CBLB: variants seen among roughly 807,000 people sequenced by gnomAD.
The protein encoded by CBLB is Cbl proto-oncogene B.
CBLB carries 31 observed loss-of-function variants against 104.9 expected under a neutral mutation model. The ratio of observed to expected loss-of-function variants is 0.30; its 90% CI spans 0.22 to 0.40. The LOEUF is 0.40. CBLB is among the 10% of genes least tolerant of loss of function. The pLI is 1.00. For missense variants in CBLB, 1,062 were observed against 1,214.6 expected, an observed-to-expected ratio of 0.87 and a Z score of 1.87; for synonymous variants, 440 against 422.6, an observed-to-expected ratio of 1.04 and a Z score of -0.51.
At chr3:105,840,646 T>A (rs2089407988) in intron 3 of CBLB, among the ~76,000 whole-genome samples, 1 of 152,194 alleles carries the variant, frequency 6.6e-6, no homozygotes, top group African/African-American at 2.4e-5. Context: ...CACACCCCAG[T>A]GTGTCAAGTC....
At chr3:105,794,130 T>C (rs1577249831) in intron 3 of CBLB, among the ~76,000 whole-genome samples, 1 of 152,220 alleles carries the variant, frequency 6.6e-6, no homozygotes, top group East Asian at 1.9e-4. Flanking sequence ...CAAAGATTTA[T>C]TTGGGCATAA....
At chr3:105,800,598 AG>A (rs1365120991) in intron 3 of CBLB, among the ~76,000 whole-genome samples, 1 of 152,176 alleles carries the variant, frequency 6.6e-6, no homozygotes, top group Non-Finnish European at 1.5e-5. Flanking sequence ...TGAAATAGCA[AG>A]GTTTTGTCTG....
intron 3 of CBLB, among the ~76,000 whole-genome samples, chr3:105,838,552 A>C (rs1295044643): frequency 6.6e-6 from 1 of 152,140 alleles, no homozygotes; most frequent in African/African-American, 2.4e-5. Flanking sequence ...AAAGGCTGGC[A>C]AGCAAAGGTA....
intron 4 of CBLB, 151 bp downstream of exon 4, chr3:105,776,245 T>A: frequency 1.6e-6 from 1 of 643,822 alleles, no homozygotes; most frequent in Non-Finnish European, 2.5e-6. Flanking sequence ...TTGGTGACTA[T>A]AAAAATTACC....
intron 8 of CBLB, among the ~76,000 whole-genome samples, chr3:105,735,579 T>A (rs1047822859): frequency 6.6e-6 from 1 of 152,230 alleles, no homozygotes; most frequent in Non-Finnish European, 1.5e-5. Context: ...CTGTCTTTCC[T>A]AAGTATCCTT....
chr3:105,829,412 G>A (rs372441020), intron 3 of CBLB, among the ~76,000 whole-genome samples: 11 of 151,984 alleles, frequency 7.2e-5, no homozygotes, highest in African/African-American at 2.4e-4. Context: ...TGATCTTGAC[G>A]CTTTGGGAGG....
chr3:105,705,912 G>C (rs2070051505), intron 10 of CBLB, among the ~76,000 whole-genome samples: 1 of 152,174 alleles, frequency 6.6e-6, no homozygotes, highest in South Asian at 2.1e-4. Context: ...AAGGCAGGAG[G>C]ACTGCTTGAA....
At chr3:105,867,878 T>TG (rs760915895) in intron 1 of CBLB, among the ~76,000 whole-genome samples, 1 of 141,300 alleles carries the variant, frequency 7.1e-6, no homozygotes, top group African/African-American at 2.6e-5. Flanking sequence ...ACTCAACTCA[T>TG]AAAAAAAAAA....
chr3:105,807,509 T>C (rs760085660), intron 3 of CBLB, among the ~76,000 whole-genome samples: 2 of 152,194 alleles, frequency 1.3e-5, no homozygotes, highest in Non-Finnish European at 2.9e-5. Context: ...ATACATAGTC[T>C]TATTTGTGAA....
Position 105,773,006 on chromosome 3 carries a change from C to A in CBLB, c.566+3390G>T, listed in dbSNP as rs537323606. Among the ~76,000 whole-genome samples the A allele has an allele frequency of 1.6e-4, 24 of 152,270 alleles. No individual in the cohort carries two copies. The South Asian group carries it at 5.0e-3, about 32-fold the overall frequency. ...ACTCTTTAAAGAACTAAAAGTAGAA[C>A]TGCCATTCAATCCAGCAATCCACTG... is the stretch of plus-strand genomic sequence containing the variant. On this transcript the variant is annotated intron_variant, in intron 4 of 18. Transcript: ENST00000394030.
rs1387812972 is a variant in CBLB, at chr3:105,675,900, A to AAC, written c.2569+2530_2569+2531insGT. Among the ~76,000 whole-genome samples, 3 of 151,052 alleles carry AAC rather than the reference A, an allele frequency of 2.0e-5. 1 individual carries two copies. In the South Asian group the frequency reaches 6.3e-4, roughly 32 times the overall value. On this transcript the variant is annotated intron_variant, in intron 17 of 18. Coordinates refer to ENST00000394030, the MANE Select transcript of CBLB (RefSeq NM_170662.5). Reference sequence around the variant, plus strand: ...ACCCTGTCTCAAAAAAAAAAAAAAAAAAAAAGTCATAAAGGATCTGGTACC... The same window carrying AAC: ...ACCCTGTCTCAAAAAAAAAAAAAAAAACAAAAAGTCATAAAGGATCTGGTACC...
At chr3:105,820,947 A>C (rs1161755986) in intron 3 of CBLB, among the ~76,000 whole-genome samples, 1 of 152,170 alleles carries the variant, frequency 6.6e-6, no homozygotes, top group African/African-American at 2.4e-5. Flanking sequence ...TTTTAATGGA[A>C]ATTTGTAAAA....
intron 6 of CBLB, among the ~76,000 whole-genome samples, chr3:105,744,684 C>A (rs2075934211): frequency 6.6e-6 from 1 of 152,064 alleles, no homozygotes; most frequent in South Asian, 2.1e-4. Flanking sequence ...GTAATCCCAG[C>A]ACTTTGGGAG....
At chr3:105,776,694 C>A in intron 3 of CBLB, 152 bp from the exon 4 acceptor site, 3 of 657,764 alleles carry the variant, frequency 4.6e-6, no homozygotes, top group Non-Finnish European at 5.1e-6. Flanking sequence ...TAATGCTGCC[C>A]TTAAAAAAAG....
Position 105,834,635 on chromosome 3 carries a change from G to A in CBLB, c.419+18779C>T, listed in dbSNP as rs562283922. On this transcript the variant is annotated intron_variant, in intron 3 of 18. Coordinates refer to ENST00000394030, the MANE Select transcript of CBLB (RefSeq NM_170662.5). ...TGCGCCACTGCACTCCAGCCTGAGC[G>A]ACAGAGCAAAACTCCATCTCAAAAA... 4.8e-4 allele frequency among the ~76,000 whole-genome samples: 70 copies of A among 146,706 alleles called. 1 individual carries two copies. Among genetic ancestry groups the A allele is most frequent in the African/African-American group, 1.5e-3 (59 of 39,682 alleles).
At chr3:105,867,276 GA>G in intron 2 of CBLB, 133 bp downstream of exon 2, 2 of 972,516 alleles carry the variant, frequency 2.1e-6, no homozygotes, top group Non-Finnish European at 3.3e-6. Flanking sequence ...CAGAGTTGAA[GA>G]AAAATGATGA....
At chr3:105,809,342 G>A (rs2083949541) in intron 3 of CBLB, among the ~76,000 whole-genome samples, 1 of 152,202 alleles carries the variant, frequency 6.6e-6, no homozygotes, top group East Asian at 1.9e-4. Context: ...TGACAAGAAC[G>A]GAATTCCACT....
At chr3:105,861,808 T>A (rs1304440774) in intron 2 of CBLB, among the ~76,000 whole-genome samples, 1 of 152,070 alleles carries the variant, frequency 6.6e-6, no homozygotes, top group African/African-American at 2.4e-5. Flanking sequence ...TCTAGAACAA[T>A]TTTTAAATAA....
chr3:105,824,455 T>C (rs538745229), intron 3 of CBLB, among the ~76,000 whole-genome samples: 4 of 152,248 alleles, frequency 2.6e-5, no homozygotes, highest in African/African-American at 9.6e-5. Flanking sequence ...ACCTGGAACC[T>C]AAACCAAGTA....
Sources: allele counts gnomAD v4.1 joint callset (sites outside exome capture counted in the v4.1 genomes callset), GRCh38; gene constraint gnomAD v4.1.1; transcripts MANE v1.5; gene names NCBI Gene and HGNC (gene_info 2026-07-23, HGNC 2026-07-21).